DPF3: variants seen among roughly 807,000 people sequenced by gnomAD.
DPF3 encodes double PHD fingers 3, also known as zinc finger protein DPF3.
DPF3 carries 18 observed loss-of-function variants against 56.8 expected under a neutral mutation model. The observed-to-expected ratio is 0.32, with a 90% CI of 0.22 to 0.47. The LOEUF (loss-of-function observed/expected upper bound fraction) is 0.47, where lower values mean the gene tolerates loss of function less well. Ranked by LOEUF, DPF3 falls within the 20% of genes least tolerant of loss-of-function variation. DPF3 has a pLI of 1.00. For missense variants in DPF3, 403 were observed against 488.8 expected (o/e 0.82, Z 1.65); for synonymous variants, 188 against 180.2 (o/e 1.04, Z -0.35).
intron 6 of DPF3, among the ~76,000 whole-genome samples, chr14:72,705,282 C>T (rs936650740): frequency 6.6e-6 from 1 of 151,986 alleles, no homozygotes; most frequent in Non-Finnish European, 1.5e-5. Flanking sequence ...AGGTTGCACA[C>T]TCCTTATGAG....
chr14:72,611,185 C>T lies in DPF3; in HGVS notation c.*8112G>A, dbSNP rs1883702987. Among the ~76,000 whole-genome samples, 1 of 152,182 alleles carries T rather than the reference C, an allele frequency of 6.6e-6. No homozygotes were observed. The highest frequency in any genetic ancestry group is 2.4e-5 in the African/African-American group (1 of 41,436). On this transcript the variant is annotated 3_prime_UTR_variant, in exon 11 of 11. Coordinates refer to ENST00000556509, the MANE Select transcript of DPF3 (RefSeq NM_001280542.3). ...GACAGATACACACCTTCCCCCAAGC[C>T]CAGGCATTTTGCTTGAAAGCAAGGT...
At chr14:72,781,314 G>A (rs753689738) in intron 1 of DPF3, among the ~76,000 whole-genome samples, 1 of 152,200 alleles carries the variant, frequency 6.6e-6, no homozygotes, top group Admixed American at 6.5e-5. Flanking sequence ...ATGAAGATCT[G>A]ACATCCTTAG....
Position 72,890,500 on chromosome 14 carries a change from T to A in DPF3, c.32+3557A>T, listed in dbSNP as rs954458029. Among the ~76,000 whole-genome samples the A allele has an allele frequency of 1.4e-4, 20 of 147,420 alleles. 1 individual carries two copies. Among genetic ancestry groups the A allele is most frequent in the African/African-American group, 4.9e-4 (19 of 39,010 alleles). The stretch of plus-strand genomic sequence containing the variant: ...AGCAACACCCTGTCTCAAAAAATAA[T>A]GATAATAATAATAATAATAATAGCA... On this transcript the variant is annotated intron_variant, in intron 1 of 10. Transcript: ENST00000556509.
chr14:72,693,864 C>T (rs1009673280), intron 6 of DPF3, among the ~76,000 whole-genome samples: 1 of 152,202 alleles, frequency 6.6e-6, no homozygotes, highest in African/African-American at 2.4e-5. Context: ...TTTGATGTCT[C>T]ACCCAGCGAT....
intron 1 of DPF3, among the ~76,000 whole-genome samples, chr14:72,850,963 C>T (rs1317119688): frequency 2.0e-5 from 3 of 152,238 alleles, no homozygotes; most frequent in Non-Finnish European, 4.4e-5. Context: ...AGTCCCACTG[C>T]CCCATCTAAA....
At chr14:72,864,337 G>C (rs887095528) in intron 1 of DPF3, among the ~76,000 whole-genome samples, 1 of 152,122 alleles carries the variant, frequency 6.6e-6, no homozygotes, top group South Asian at 2.1e-4. Flanking sequence ...CCACACATAC[G>C]TGTCCCTACT....
intron 1 of DPF3, among the ~76,000 whole-genome samples, chr14:72,819,221 A>G (rs531262637): frequency 2.6e-5 from 4 of 152,368 alleles, no homozygotes; most frequent in Non-Finnish European, 2.9e-5. Flanking sequence ...AATATATAGC[A>G]ACCAAAAGCA....
chr14:72,724,462 G>T (rs1338302972), intron 4 of DPF3, among the ~76,000 whole-genome samples: 1 of 151,958 alleles, frequency 6.6e-6, no homozygotes, highest in Non-Finnish European at 1.5e-5. Flanking sequence ...ATCGGCTCAG[G>T]GTTCCCCATT....
intron 1 of DPF3, among the ~76,000 whole-genome samples, chr14:72,880,668 C>A (rs1886291645): frequency 1.3e-5 from 2 of 152,170 alleles, no homozygotes; most frequent in African/African-American, 4.8e-5. Context: ...GTGATCCTCC[C>A]ACCTTAGCCT....
intron 1 of DPF3, among the ~76,000 whole-genome samples, chr14:72,813,606 T>C (rs1031808212): frequency 2.6e-5 from 4 of 152,174 alleles, no homozygotes; most frequent in African/African-American, 7.2e-5. Flanking sequence ...AGAAATGACA[T>C]TTTGTCAGAG....
At chr14:72,645,953 C>G (rs969652246) in intron 8 of DPF3, among the ~76,000 whole-genome samples, 1 of 152,184 alleles carries the variant, frequency 6.6e-6, no homozygotes, top group African/African-American at 2.4e-5. Flanking sequence ...GCATGAGCAT[C>G]CCCTGGGGGC....
intron 1 of DPF3, among the ~76,000 whole-genome samples, chr14:72,893,012 GA>G (rs1886830817): frequency 8.1e-6 from 1 of 123,342 alleles, no homozygotes; most frequent in African/African-American, 3.2e-5. Flanking sequence ...AGGAAGGAAG[GA>G]AGGAAGGAAG....
chr14:72,641,879 T>C (rs1210264046), intron 8 of DPF3, among the ~76,000 whole-genome samples: 3 of 152,166 alleles, frequency 2.0e-5, no homozygotes, highest in Non-Finnish European at 4.4e-5. Context: ...GGCACTGTGG[T>C]TTCTGTCTTG....
intron 5 of DPF3, among the ~76,000 whole-genome samples, chr14:72,719,562 T>C (rs1195346630): frequency 6.6e-6 from 1 of 152,212 alleles, no homozygotes; most frequent in Non-Finnish European, 1.5e-5. Flanking sequence ...AATAAATACT[T>C]CATGATTGAT....
At chr14:72,754,533 G>A (rs929451239) in intron 2 of DPF3, among the ~76,000 whole-genome samples, 4 of 152,160 alleles carry the variant, frequency 2.6e-5, no homozygotes, top group Non-Finnish European at 4.4e-5. Flanking sequence ...TCTTCTGCAG[G>A]TAAATGTGGC....
At chr14:72,800,053 A>G (rs2139998866) in intron 1 of DPF3, among the ~76,000 whole-genome samples, 1 of 152,310 alleles carries the variant, frequency 6.6e-6, no homozygotes, top group Non-Finnish European at 1.5e-5. Flanking sequence ...AACCTTAAAA[A>G]GCCCTGCCTG....
In DPF3 at chr14:72,714,469, G is replaced by T. The variant is rs373417700; in HGVS notation, c.558C>A (p.His186Gln). 9 of 1,613,734 alleles carry T rather than the reference G, an allele frequency of 5.6e-6. No individual in the cohort carries two copies. The Admixed American group carries it at 1.0e-4, about 18-fold the overall frequency. ...CGTGGTCTTCCTGAGAGGCGGCGTC[G>T]TGCCTCCTCCTGCCCCCTGCAGAGC... ...ARGSAGGRRR[H>Q]DAASQEDHDK... The change falls in exon 6 of 11, where the codon CAC becomes CAA. Residue 186 changes from histidine to glutamine, a missense_variant. By Grantham distance (24) the His-to-Gln change is conservative. Coordinates refer to ENST00000556509, the MANE Select transcript of DPF3 (RefSeq NM_001280542.3).
At chr14:72,834,465 C>T (rs1488118386) in intron 1 of DPF3, among the ~76,000 whole-genome samples, 3 of 140,788 alleles carry the variant, frequency 2.1e-5, no homozygotes, top group African/African-American at 8.1e-5. Context: ...CCACTGTACT[C>T]CAGCCTGGGT....
chr14:72,877,835 A>C (rs1886172758), intron 1 of DPF3, among the ~76,000 whole-genome samples: 1 of 152,198 alleles, frequency 6.6e-6, no homozygotes, highest in South Asian at 2.1e-4. Flanking sequence ...CCCATCCCCC[A>C]GAGACATGTG....
Sources: gnomAD v4.1 joint callset for allele counts (sites outside exome capture counted in the v4.1 genomes callset) on GRCh38, gnomAD v4.1.1 for gene constraint, MANE v1.5 for transcripts, NCBI Gene and HGNC (gene_info 2026-07-23, HGNC 2026-07-21) for gene names.